The following ATXN2 variants were observed in gnomAD, a reference collection of about 807,000 sequenced individuals.
ATXN2 encodes ataxin-2.
Under a neutral mutation model 138.6 loss-of-function variants are expected in ATXN2, and 37 were observed. The observed-to-expected ratio is 0.27, with a 90% CI of 0.21 to 0.35. The LOEUF is 0.35. ATXN2 is among the 10% of genes least tolerant of loss of function. The pLI is 1.00. For missense variants in ATXN2, 1,216 were observed against 1,480.3 expected (o/e 0.82, Z 2.93); for synonymous variants, 549 against 543.7 (o/e 1.01, Z -0.13).
chr12:111,580,019 G>T (rs763569497), intron 1 of ATXN2, among the ~76,000 whole-genome samples: 20 of 152,058 alleles, frequency 1.3e-4, no homozygotes, highest in Non-Finnish European at 1.6e-4. Flanking sequence ...GTCTTGCTGT[G>T]TTGCCCAGGG....
In ATXN2 at chr12:111,518,413, A is replaced by T; in HGVS notation, c.1001T>A (p.Ile334Asn). ...HSINTRENKY[I>N]PPGQRNREVI... The stretch of plus-strand genomic sequence containing the variant: ...TTCTCTATTTCTTTGTCCAGGAGGA[A>T]TATATTTATTTTCCCTGAAAATGAG... The change falls in exon 9 of 25, where the codon ATT becomes AAT. Residue 334 changes from isoleucine to asparagine, a missense_variant. Physicochemically the swap from Ile to Asn is moderately radical, Grantham distance 149 (BLOSUM62 -3). This residue lies in a region of ATXN2 where 401 missense variants were observed against 528.1 expected (regional missense o/e 0.76). Coordinates refer to ENST00000673436, the MANE Select transcript of ATXN2 (RefSeq NM_001372574.1). The T allele has an allele frequency of 6.3e-7, 1 of 1,599,934 alleles. No homozygotes were observed. The highest frequency in any genetic ancestry group is 8.5e-7 in the Non-Finnish European group (1 of 1,172,164).
At chr12:111,581,663 G>A in intron 1 of ATXN2, 1 of 724,486 alleles carries the variant, frequency 1.4e-6, no homozygotes, top group Non-Finnish European at 2.6e-6. Context: ...CCTGATCAGG[G>A]CCCAGGCCTA....
chr12:111,489,397 G>A lies in ATXN2; in HGVS notation c.1936-617C>T, dbSNP rs576938811. 1.4e-3 allele frequency among the ~76,000 whole-genome samples: 217 copies of A among 151,890 alleles called. 1 individual carries two copies. The highest frequency in any genetic ancestry group is 2.7e-3 in the Non-Finnish European group (181 of 67,946). ...TGGGAGGCCAAGGCAGGCGGATCAC[G>A]AGGTCAGGAGATCGAGACCATCTTG... is the stretch of plus-strand genomic sequence containing the variant. On this transcript the variant is annotated intron_variant, in intron 14 of 24. Transcript: ENST00000673436.
chr12:111,483,756 A>G (rs1419030275), intron 18 of ATXN2, among the ~76,000 whole-genome samples: 1 of 151,726 alleles, frequency 6.6e-6, no homozygotes, highest in Non-Finnish European at 1.5e-5. Flanking sequence ...TTATACGACA[A>G]CTCCCTAATT....
intron 19 of ATXN2, 143 bp from the exon 20 acceptor site, chr12:111,470,383 G>C: frequency 8.2e-7 from 1 of 1,224,154 alleles, no homozygotes; most frequent in Non-Finnish European, 1.1e-6. Flanking sequence ...TGTTTCCTCT[G>C]AACCTCTTAC....
At chr12:111,534,530 T>C (rs1457582142) in intron 5 of ATXN2, among the ~76,000 whole-genome samples, 1 of 152,118 alleles carries the variant, frequency 6.6e-6, no homozygotes, top group Non-Finnish European at 1.5e-5. Flanking sequence ...TTTCCTTAAT[T>C]CTATAAATTT....
intron 20 of ATXN2, among the ~76,000 whole-genome samples, chr12:111,467,287 C>A (rs1876093601): frequency 7.4e-6 from 1 of 135,360 alleles, no homozygotes; most frequent in East Asian, 2.2e-4. Context: ...GGACTACAGG[C>A]ATGTGCCACC....
rs780952627 is a variant in ATXN2 at position 111,598,992 on chromosome 12, GC to G, written c.42del (p.Gln14HisfsTer32). The G allele has an allele frequency of 2.7e-3, 3,246 of 1,220,360 alleles. 8 individuals are homozygous for G. Among genetic ancestry groups the G allele is most frequent in the South Asian group, 5.7e-3 (355 of 62,030 alleles). The allele number at this position is 1,220,360 out of a possible 1,614,324, so 75.6% of individuals were successfully genotyped here. A position where few individuals can be genotyped will look rare whatever the true frequency, so the allele number is the denominator to read the frequency against. ...KPQQQQQQQQ[Q>X]QQQQQQQQQQ... ...TGCTGCTGCTGTTGCTGCTGCTGCT[GC>G]TGCTGCTGCTGCTGCTGCTGCTGCT... On this transcript the variant is annotated frameshift_variant, in exon 1 of 25. Coordinates refer to ENST00000673436, the MANE Select transcript of ATXN2 (RefSeq NM_001372574.1). LOFTEE classifies it high-confidence loss of function. The surrounding 1 kb of genome is among the most constrained non-coding windows in gnomAD (Gnocchi z 4.5).
At chr12:111,593,259 A>T (rs1182958666) in intron 1 of ATXN2, among the ~76,000 whole-genome samples, 1 of 151,770 alleles carries the variant, frequency 6.6e-6, no homozygotes, top group African/African-American at 2.4e-5. Context: ...ATGCCCGGCT[A>T]ATTTTTGTAT....
rs968829601 is a variant in ATXN2 at position 111,589,591 on chromosome 12, A to G, written c.251+9193T>C. Among the ~76,000 whole-genome samples the G allele has an allele frequency of 9.5e-4, 142 of 149,644 alleles. 1 individual carries two copies. Among genetic ancestry groups the G allele is most frequent in the African/African-American group, 3.4e-3 (136 of 39,520 alleles). Reference sequence around the variant, plus strand: ...GTTCGAGACCAGCCTGGCCAACATGATAAAACCCCATCTCTACCAATAATA... The same window carrying G: ...GTTCGAGACCAGCCTGGCCAACATGGTAAAACCCCATCTCTACCAATAATA... On this transcript the variant is annotated intron_variant, in intron 1 of 24. Transcript: ENST00000673436.
intron 1 of ATXN2, among the ~76,000 whole-genome samples, chr12:111,586,187 G>C (rs1054463417): frequency 2.6e-5 from 4 of 151,246 alleles, no homozygotes; most frequent in African/African-American, 9.7e-5. Context: ...TTACAGGTGT[G>C]AGCCACCATG....
chr12:111,599,629 A>T (rs895963393), upstream of ATXN2: 20 of 1,074,124 alleles, frequency 1.9e-5, no homozygotes, highest in Non-Finnish European at 2.1e-5. Flanking sequence ...CGGGGCCGGG[A>T]GGGACACGTG....
chr12:111,453,966 A>ACC lies in ATXN2; in HGVS notation c.3271-122_3271-121insGG. 20 of 961,690 alleles carry ACC rather than the reference A, an allele frequency of 2.1e-5. No individual in the cohort carries two copies. The highest frequency in any genetic ancestry group is 2.6e-5 in the Non-Finnish European group (17 of 656,338). The allele number at this position is 961,690 out of a possible 1,614,324, so 59.6% of individuals were successfully genotyped here. A position where few individuals can be genotyped will look rare whatever the true frequency, so the allele number is the denominator to read the frequency against. On this transcript the variant is annotated intron_variant, in intron 23 of 24. Transcript: ENST00000673436. This position sits in a 1 kb window ranked among gnomAD's most constrained non-coding sequence, Gnocchi z 5.4. ...AGGGCAACGGTGGGCCTCAGGGCCC[A>ACC]GTTCTGTTCTCTGGGGACAATCTCT... is the stretch of plus-strand genomic sequence containing the variant.
chr12:111,485,614 T>TA (rs1469318647), intron 17 of ATXN2, 99 bp downstream of exon 17: 1 of 1,432,940 alleles, frequency 7.0e-7, no homozygotes, highest in Non-Finnish European at 9.6e-7. Flanking sequence ...TGCATATGCA[T>TA]AACCATCACA....
intron 1 of ATXN2, among the ~76,000 whole-genome samples, chr12:111,589,929 G>A (rs1884565204): frequency 6.6e-6 from 1 of 151,004 alleles, no homozygotes; most frequent in Non-Finnish European, 1.5e-5. Context: ...AAAAAAATAA[G>A]GCGAGGCGCA....
intron 1 of ATXN2, among the ~76,000 whole-genome samples, chr12:111,590,044 T>C (rs777737941): frequency 1.3e-4 from 20 of 149,454 alleles, no homozygotes; most frequent in Admixed American, 2.7e-4. Flanking sequence ...ACCCCATCTC[T>C]ACTAAAAAAA....
chr12:111,477,189 A>C (rs1876881913), intron 18 of ATXN2, among the ~76,000 whole-genome samples: 1 of 151,446 alleles, frequency 6.6e-6, no homozygotes. Context: ...CTAAAAAAAA[A>C]AAAAAAAAAA....
chr12:111,461,648 T>C (rs1162587381), intron 21 of ATXN2, among the ~76,000 whole-genome samples: 1 of 151,008 alleles, frequency 6.6e-6, no homozygotes, highest in African/African-American at 2.4e-5. Flanking sequence ...AGGAAAAAAA[T>C]AGCTTGGAAG....
At chr12:111,599,379 C>T (rs920435578), upstream of ATXN2, 4 of 1,161,466 alleles carry the variant, frequency 3.4e-6, no homozygotes, top group Admixed American at 4.7e-5. Context: ...GGTCCCGGGG[C>T]CGCGCCACCG....
Sources: gnomAD v4.1 joint callset for allele counts (sites outside exome capture counted in the v4.1 genomes callset) on GRCh38, gnomAD v4.1.1 for gene constraint, gnomAD v4.1.1 regional missense constraint, Gnocchi (gnomAD v3.1) non-coding constraint, MANE v1.5 for transcripts, NCBI Gene and HGNC (gene_info 2026-07-23, HGNC 2026-07-21) for gene names.